The following RCC1L variants were observed in gnomAD, a reference collection of about 807,000 sequenced individuals.
RCC1L encodes RCC1-like G exchanging factor-like protein.
In RCC1L, 46 loss-of-function variants were observed where a neutral mutation model predicts 58.6. That is an observed-to-expected ratio of 0.79 (90% CI 0.62 to 1.00). The LOEUF is 1.00. Among genes scored for constraint, RCC1L ranks in the 50% least tolerant of loss-of-function variants. The pLI is 0.00. For missense variants in RCC1L, 636 were observed against 623.6 expected (o/e 1.02, Z -0.21); for synonymous variants, 281 against 262.9 (o/e 1.07, Z -0.67).
At chr7:75,040,976 G>C (rs1357682153), downstream of RCC1L, among the ~76,000 whole-genome samples, 2 of 152,016 alleles carry the variant, frequency 1.3e-5, no homozygotes, top group African/African-American at 4.8e-5. Flanking sequence ...CCAGCACTTT[G>C]GGAGGCCAAG....
intron 5 of RCC1L, 127 bp downstream of exon 5, chr7:75,063,165 C>T: frequency 9.4e-7 from 1 of 1,066,290 alleles, no homozygotes; most frequent in South Asian, 1.3e-5. Flanking sequence ...AAGTAGGCTA[C>T]AATTTTTACT....
At chr7:75,047,307 C>A (rs1042399968) in intron 10 of RCC1L, among the ~76,000 whole-genome samples, 1 of 152,018 alleles carries the variant, frequency 6.6e-6, no homozygotes, top group African/African-American at 2.4e-5. Flanking sequence ...GTTCTGTTGC[C>A]CCCGGCTGGA....
Position 75,043,009 on chromosome 7 carries a change from C to A in RCC1L, c.*23G>T, listed in dbSNP as rs1805611634. On this transcript the variant is annotated 3_prime_UTR_variant, in exon 11 of 11. Transcript: ENST00000610322. ...AGTGCCAGTGGTTCCCGGGACGGGG[C>A]CGCCCAAGCAGGTGAGGGAGGTTTA... 1.2e-6 allele frequency: 2 copies of A among 1,613,976 alleles called. No homozygotes were observed. Among genetic ancestry groups the A allele is most frequent in the African/African-American group, 1.3e-5 (1 of 75,062 alleles).
At chr7:75,035,508 A>G (rs1263252744) in intron 10 of RCC1L, among the ~76,000 whole-genome samples, 1 of 152,210 alleles carries the variant, frequency 6.6e-6, no homozygotes, top group Non-Finnish European at 1.5e-5. Context: ...TAAATGAATG[A>G]GCAGCAACTC....
intron 2 of RCC1L, among the ~76,000 whole-genome samples, chr7:75,067,625 A>C (rs1425240927): frequency 1.3e-5 from 2 of 148,268 alleles, no homozygotes; most frequent in Non-Finnish European, 2.9e-5. Context: ...AGAGCGAGAC[A>C]CTGTTTTAAA....
chr7:75,073,582 G>A lies in RCC1L; in HGVS notation c.156C>T (p.Gly52=). The part of the protein sequence containing the change: ...EAEVPVVQYV[G]ERAARADRVF... ...CGCGATCGGCGCGGGCAGCGCGCTCGCCCACGTACTGGACCACGGGCACCT... is the reference window on the plus strand; with the variant it reads ...CGCGATCGGCGCGGGCAGCGCGCTCACCCACGTACTGGACCACGGGCACCT... The change falls in exon 1 of 11, where the codon GGC becomes GGT. Residue 52 remains glycine (G), a synonymous_variant. Coordinates refer to ENST00000610322, the MANE Select transcript of RCC1L (RefSeq NM_030798.5). The A allele has an allele frequency of 6.6e-7, 1 of 1,513,312 alleles. No individual in the cohort carries two copies. 93.7% of individuals were successfully genotyped at this position (1,513,312 alleles called of 1,614,324 possible).
At chr7:75,049,683 AT>A (rs1805846946) in intron 10 of RCC1L, among the ~76,000 whole-genome samples, 1 of 150,292 alleles carries the variant, frequency 6.7e-6, no homozygotes, top group South Asian at 2.1e-4. Context: ...AAAAAAAAAA[AT>A]CCTGGGCAAC....
intron 10 of RCC1L, chr7:75,028,171 G>T: frequency 8.1e-7 from 1 of 1,231,764 alleles, no homozygotes. Context: ...AGGCTGGAGT[G>T]CTGTGGCATG....
At chr7:75,030,795 C>T (rs980655478) in intron 10 of RCC1L, among the ~76,000 whole-genome samples, 1 of 152,196 alleles carries the variant, frequency 6.6e-6, no homozygotes, top group African/African-American at 2.4e-5. Flanking sequence ...CAGCCCAGCT[C>T]TGATTGGAAG....
intron 9 of RCC1L, among the ~76,000 whole-genome samples, chr7:75,054,265 G>A (rs1404728836): frequency 5.3e-5 from 8 of 152,108 alleles, no homozygotes; most frequent in Non-Finnish European, 4.4e-5. Flanking sequence ...CAGACCACAG[G>A]ATAAACCAAC....
chr7:75,049,322 G>A (rs1285829797), intron 10 of RCC1L, among the ~76,000 whole-genome samples: 1 of 151,632 alleles, frequency 6.6e-6, no homozygotes, highest in Admixed American at 6.6e-5. Context: ...GGCAACATAG[G>A]AAGACCTCAT....
intron 10 of RCC1L, among the ~76,000 whole-genome samples, chr7:75,051,343 T>TAC: frequency 6.7e-6 from 1 of 149,342 alleles, no homozygotes; most frequent in South Asian, 2.1e-4. Context: ...CACACATATA[T>TAC]ATACACACAC....
rs1806084499 is a variant in RCC1L, at chr7:75,056,448, A to G, written c.1058-374T>C. 10 of 1,345,348 alleles carry G rather than the reference A, an allele frequency of 7.4e-6. 1 individual carries two copies. The South Asian group carries it at 1.4e-4, about 18-fold the overall frequency. The allele number at this position is 1,345,348 out of a possible 1,614,324, so 83.3% of individuals were successfully genotyped here. On this transcript the variant is annotated intron_variant, in intron 8 of 10. Coordinates refer to ENST00000610322, the MANE Select transcript of RCC1L (RefSeq NM_030798.5). ...CCCTAATGACAGCTCTGTGTTTCAC[A>G]CTGATCAGAAGGCCAAACACATCAA...
intron 10 of RCC1L, among the ~76,000 whole-genome samples, chr7:75,046,331 G>A (rs1379534866): frequency 4.6e-5 from 7 of 152,202 alleles, no homozygotes; most frequent in African/African-American, 1.7e-4. Flanking sequence ...ACTGGGCCCC[G>A]ACCGCCTCTT....
chr7:75,063,435 T>C, intron 4 of RCC1L, 92 bp from the exon 5 acceptor site: 1 of 1,268,494 alleles, frequency 7.9e-7, no homozygotes. Flanking sequence ...TGATGGCCCG[T>C]CCCCTCCGCT....
At position 75,042,928 on chromosome 7, in the gene RCC1L, C is replaced by A; in HGVS notation, c.*104G>T. ...GCGTCACACTGCACGCAGGGTCCTCCGCCACCACCATCCAAGAACCCCGGG... is the reference window on the plus strand; with the variant it reads ...GCGTCACACTGCACGCAGGGTCCTCAGCCACCACCATCCAAGAACCCCGGG... On this transcript the variant is annotated 3_prime_UTR_variant, in exon 11 of 11. Transcript: ENST00000610322. 1 of 1,583,168 alleles carries A rather than the reference C, an allele frequency of 6.3e-7. No homozygotes were observed. Among genetic ancestry groups the A allele is most frequent in the Non-Finnish European group, 8.6e-7 (1 of 1,163,720 alleles).
chr7:75,048,681 A>C (rs1387022825), intron 10 of RCC1L, among the ~76,000 whole-genome samples: 1 of 152,196 alleles, frequency 6.6e-6, no homozygotes, highest in Non-Finnish European at 1.5e-5. Flanking sequence ...TGAGGGGTGA[A>C]GGCCACTCCA....
In RCC1L at chr7:75,056,647, C is replaced by A. The variant is rs1806090707; in HGVS notation, c.1058-573G>T. 6 of 1,535,392 alleles carry A rather than the reference C, an allele frequency of 3.9e-6. No homozygotes were observed. In the Admixed American group the frequency reaches 9.8e-5, roughly 25 times the overall value. On this transcript the variant is annotated intron_variant, in intron 8 of 10. Transcript: ENST00000610322. ...AGAGCTGGAGTCTCTCTGGCCCAGG[C>A]TAAGGGAGGGGAATGAAGTAGTTCG...
intron 1 of RCC1L, among the ~76,000 whole-genome samples, chr7:75,071,085 G>GCCTCAGGTGATCTCAAATTCCCGA (rs1806710212): frequency 6.6e-6 from 1 of 152,034 alleles, no homozygotes; most frequent in African/African-American, 2.4e-5. Context: ...CAAATTCCCG[G>GCCTCAGGTGATCTCAAATTCCCGA]CCTCAAGTGA....
Sources: gnomAD v4.1 joint callset for allele counts (sites outside exome capture counted in the v4.1 genomes callset) on GRCh38, gnomAD v4.1.1 for gene constraint, MANE v1.5 for transcripts, NCBI Gene and HGNC (gene_info 2026-07-23, HGNC 2026-07-21) for gene names.